PLXNA4: variants seen among roughly 807,000 people sequenced by gnomAD.
PLXNA4 encodes the protein plexin A4, also known as plexin-A4.
In PLXNA4, 44 loss-of-function variants were observed where a neutral mutation model predicts 191.8. The ratio of observed to expected loss-of-function variants is 0.23; its 90% CI spans 0.18 to 0.29. PLXNA4 has a LOEUF of 0.29. PLXNA4 is among the 10% of genes least tolerant of loss of function. The pLI is 1.00. For synonymous variants in PLXNA4, 1,082 were observed against 1,009.5 expected (o/e 1.07, Z -1.36); for missense variants, 1,800 against 2,488.8 (o/e 0.72, Z 5.89).
intron 3 of PLXNA4, among the ~76,000 whole-genome samples, chr7:132,375,270 T>G (rs1804612102): frequency 7.0e-6 from 1 of 142,088 alleles, no homozygotes; most frequent in Non-Finnish European, 1.5e-5. Flanking sequence ...TCCTTCCCCT[T>G]AACTCCATCC....
chr7:132,414,243 G>A (rs538247931), intron 3 of PLXNA4, among the ~76,000 whole-genome samples: 5 of 152,320 alleles, frequency 3.3e-5, no homozygotes, highest in Admixed American at 2.0e-4. Flanking sequence ...ATAATAGACA[G>A]TCAGCTGGAG....
intron 29 of PLXNA4, among the ~76,000 whole-genome samples, chr7:132,144,775 A>G (rs1167882257): frequency 6.6e-6 from 1 of 152,192 alleles, no homozygotes; most frequent in Non-Finnish European, 1.5e-5. Context: ...GCATAATCAC[A>G]GGCACCCAGG....
In PLXNA4 at chr7:132,214,811, G is replaced by A. The variant is rs370671007; in HGVS notation, c.2098-3668C>T. On this transcript the variant is annotated intron_variant, in intron 9 of 31. Transcript: ENST00000321063. The stretch of plus-strand genomic sequence containing the variant: ...GAACAAGTCTGTCTCCCCACTCCTC[G>A]GCTAGTTTCAGAGTCTTGAACAAGT... Among the ~76,000 whole-genome samples, 234 of 152,154 alleles carry A rather than the reference G, an allele frequency of 1.5e-3. 1 individual carries two copies. The highest frequency in any genetic ancestry group is 5.3e-3 in the African/African-American group (218 of 41,512).
chr7:132,622,919 T>C (rs1346901949), intron 2 of PLXNA4, among the ~76,000 whole-genome samples: 1 of 152,204 alleles, frequency 6.6e-6, no homozygotes, highest in Non-Finnish European at 1.5e-5. Context: ...ATGCCCAGCA[T>C]TTCTCATGAA....
At chr7:132,612,674 A>G (rs1167327494) in intron 2 of PLXNA4, among the ~76,000 whole-genome samples, 2 of 150,830 alleles carry the variant, frequency 1.3e-5, no homozygotes, top group Non-Finnish European at 2.9e-5. Flanking sequence ...AAAAAAAAAA[A>G]AAAAAAAAAA....
chr7:132,440,213 C>T (rs1021471687), intron 3 of PLXNA4, among the ~76,000 whole-genome samples: 3 of 152,216 alleles, frequency 2.0e-5, no homozygotes, highest in Non-Finnish European at 2.9e-5. Context: ...CTGCCTTGCA[C>T]AGACATATGT....
chr7:132,158,483 A>G (rs1229697811), intron 25 of PLXNA4, among the ~76,000 whole-genome samples: 1 of 152,214 alleles, frequency 6.6e-6, no homozygotes, highest in African/African-American at 2.4e-5. Context: ...ACAAACAGGC[A>G]CAGACAGTAT....
chr7:132,354,881 G>T (rs1803636900), intron 3 of PLXNA4, among the ~76,000 whole-genome samples: 1 of 152,228 alleles, frequency 6.6e-6, no homozygotes, highest in South Asian at 2.1e-4. Context: ...GAGCATAAAT[G>T]AGTCTAGTGG....
intron 25 of PLXNA4, among the ~76,000 whole-genome samples, chr7:132,148,989 A>T (rs1399223996): frequency 2.6e-5 from 4 of 152,224 alleles, no homozygotes; most frequent in Non-Finnish European, 4.4e-5. Context: ...CTAAGCTTTG[A>T]CAAAGCATGA....
intron 3 of PLXNA4, chr7:132,484,717 T>A (rs73724040): frequency 6.5e-6 from 10 of 1,535,058 alleles, no homozygotes; most frequent in Non-Finnish European, 8.8e-6. Flanking sequence ...CAACATTGTA[T>A]CTCCATTTGA....
At chr7:132,314,432 G>C (rs1482036724) in intron 3 of PLXNA4, among the ~76,000 whole-genome samples, 2 of 152,182 alleles carry the variant, frequency 1.3e-5, no homozygotes, top group African/African-American at 4.8e-5. Context: ...CCTTGGGTCA[G>C]AGCGTTTAGT....
intron 25 of PLXNA4, among the ~76,000 whole-genome samples, chr7:132,158,864 T>G (rs1362055641): frequency 1.3e-5 from 2 of 152,214 alleles, no homozygotes; most frequent in Non-Finnish European, 2.9e-5. Flanking sequence ...TAAGTACAGG[T>G]GGCCCTAACC....
intron 12 of PLXNA4, 99 bp downstream of exon 12, chr7:132,202,547 C>G: frequency 3.9e-6 from 5 of 1,291,328 alleles, no homozygotes; most frequent in Non-Finnish European, 5.0e-6. Flanking sequence ...CCAGTGACTA[C>G]TGGGTGACCG....
At chr7:132,282,635 A>G (rs1584942019) in intron 4 of PLXNA4, among the ~76,000 whole-genome samples, 2 of 71,870 alleles carry the variant, frequency 2.8e-5, no homozygotes, top group East Asian at 3.3e-4. Context: ...AAAAAAAAAA[A>G]AAAAAAAAAA....
chr7:132,276,882 G>T (rs1406425240), intron 4 of PLXNA4, among the ~76,000 whole-genome samples: 1 of 152,150 alleles, frequency 6.6e-6, no homozygotes, highest in Non-Finnish European at 1.5e-5. Flanking sequence ...TGTTTTTACG[G>T]CCAGTGGGTA....
intron 2 of PLXNA4, among the ~76,000 whole-genome samples, chr7:132,612,286 C>G (rs2116855324): frequency 6.6e-6 from 1 of 152,252 alleles, no homozygotes; most frequent in East Asian, 1.9e-4. Flanking sequence ...GCTTCTTTTA[C>G]TAAGAATGGA....
intron 1 of PLXNA4, among the ~76,000 whole-genome samples, chr7:132,510,543 G>A (rs943873365): frequency 2.6e-5 from 4 of 152,206 alleles, no homozygotes; most frequent in African/African-American, 4.8e-5. Context: ...CAACGAATGC[G>A]TAGTCAAATC....
chr7:132,592,355 G>A (rs571316008), intron 2 of PLXNA4, among the ~76,000 whole-genome samples: 21 of 152,062 alleles, frequency 1.4e-4, no homozygotes, highest in Non-Finnish European at 1.3e-4. Flanking sequence ...GTCACTTAGC[G>A]GCTCAGCTAG....
intron 1 of PLXNA4, among the ~76,000 whole-genome samples, chr7:132,554,624 G>A (rs750767816): frequency 8.5e-5 from 13 of 152,216 alleles, no homozygotes; most frequent in Non-Finnish European, 1.5e-4. Flanking sequence ...AGCACGCTCT[G>A]AACCAGGGTG....
Sources: allele counts gnomAD v4.1 joint callset (sites outside exome capture counted in the v4.1 genomes callset), GRCh38; gene constraint gnomAD v4.1.1; transcripts MANE v1.5; gene names NCBI Gene and HGNC (gene_info 2026-07-23, HGNC 2026-07-21).